MTMR9: variants seen among roughly 807,000 people sequenced by gnomAD.
MTMR9 encodes myotubularin related protein 9, also known as myotubularin-related protein 9.
MTMR9 carries 39 observed loss-of-function variants against 69.5 expected under a neutral mutation model. The observed-to-expected ratio is 0.56, with a 90% confidence interval of 0.43 to 0.73. The LOEUF (loss-of-function observed/expected upper bound fraction) is 0.73. MTMR9 is among the 30% of genes least tolerant of loss of function. MTMR9 has a pLI of 0.00. For synonymous variants in MTMR9, 354 were observed against 240.8 expected (o/e 1.47, Z -4.35); for missense variants, 900 against 671.2 (o/e 1.34, Z -3.77).
At chr8:11,297,977 T>C in intron 2 of MTMR9, 1 of 456,258 alleles carries the variant, frequency 2.2e-6, no homozygotes. Context: ...ATTTTTCATA[T>C]AGCATAGCTG....
the MTMR9 span, among the ~76,000 whole-genome samples, chr8:11,337,254 T>C: frequency 6.6e-6 from 1 of 152,222 alleles, no homozygotes; most frequent in East Asian, 1.9e-4. Flanking sequence ...GTAACTTAAG[T>C]AGCTCTAAGA....
At chr8:11,330,544 A>G (rs1801172475), downstream of MTMR9, among the ~76,000 whole-genome samples, 4 of 152,286 alleles carry the variant, frequency 2.6e-5, no homozygotes, top group South Asian at 4.1e-4. Flanking sequence ...AGAAGTAGAC[A>G]TGGGAGACTT....
chr8:11,286,298 G>A (rs1489266400), intron 1 of MTMR9, among the ~76,000 whole-genome samples: 1 of 151,860 alleles, frequency 6.6e-6, no homozygotes, highest in Non-Finnish European at 1.5e-5. Context: ...TTTGGGTGAA[G>A]CCATGGTAGA....
intron 6 of MTMR9, among the ~76,000 whole-genome samples, chr8:11,314,716 C>A (rs1042540243): frequency 6.6e-6 from 1 of 152,104 alleles, no homozygotes; most frequent in African/African-American, 2.4e-5. Flanking sequence ...CGTATTTTTT[C>A]CCAAGAGAAT....
chr8:11,301,341 A>G (rs759180070), intron 3 of MTMR9, among the ~76,000 whole-genome samples: 10 of 152,258 alleles, frequency 6.6e-5, no homozygotes, highest in Non-Finnish European at 8.8e-5. Flanking sequence ...GGGTACAGAA[A>G]TAAACCTTCC....
At chr8:11,299,959 CAGTT>C (rs777658033) in intron 2 of MTMR9, 60 bp from the exon 3 acceptor site, 58 of 1,559,726 alleles carry the variant, frequency 3.7e-5, no homozygotes, top group Non-Finnish European at 5.0e-5. Flanking sequence ...ACTAATTTGT[CAGTT>C]AGAATATGTT....
downstream of MTMR9, among the ~76,000 whole-genome samples, chr8:11,330,273 G>A (rs1195948139): frequency 6.0e-5 from 9 of 151,166 alleles, no homozygotes; most frequent in African/African-American, 1.7e-4. Flanking sequence ...CCGGCCAGCC[G>A]CCCTGTCCGG....
At chr8:11,289,425 C>T (rs567195457) in intron 1 of MTMR9, among the ~76,000 whole-genome samples, 2 of 152,040 alleles carry the variant, frequency 1.3e-5, no homozygotes, top group South Asian at 2.1e-4. Context: ...ATATCGCTTA[C>T]ATCATTTTAT....
chr8:11,293,882 T>G (rs945205574), intron 1 of MTMR9, among the ~76,000 whole-genome samples: 3 of 152,188 alleles, frequency 2.0e-5, no homozygotes, highest in Non-Finnish European at 4.4e-5. Flanking sequence ...TCTGGACTCT[T>G]TTTTTCTGTT....
Position 11,327,031 on chromosome 8 carries a change from TATACTG to T in MTMR9, c.*4249_*4254del, listed in dbSNP as rs1186822966. ...ACATTTATTCTCAGATGATAAAATA[TATACTG>T]ATACTATAACTTTCTTATGGTATCA... On this transcript the variant is annotated 3_prime_UTR_variant, in exon 10 of 10. Transcript: ENST00000221086. The T allele has an allele frequency of 6.6e-6, 1 of 151,904 alleles. No homozygotes were observed. Among genetic ancestry groups the T allele is most frequent in the East Asian group, 1.9e-4 (1 of 5,186 alleles). The allele number at this position is 151,904 out of a possible 1,614,324, so 9.4% of individuals were successfully genotyped here. A position where few individuals can be genotyped will look rare whatever the true frequency, so the allele number is the denominator to read the frequency against.
At chr8:11,299,589 A>G (rs1344592593) in intron 2 of MTMR9, among the ~76,000 whole-genome samples, 2 of 152,168 alleles carry the variant, frequency 1.3e-5, no homozygotes, top group African/African-American at 2.4e-5. Context: ...TACAGTTACT[A>G]ACCCACCCTG....
downstream of MTMR9, among the ~76,000 whole-genome samples, chr8:11,330,229 C>T (rs1401036451): frequency 2.0e-5 from 3 of 151,496 alleles, no homozygotes; most frequent in Non-Finnish European, 2.9e-5. Flanking sequence ...GCCAGCCGCC[C>T]CGTCCGGGAG....
intron 7 of MTMR9, among the ~76,000 whole-genome samples, chr8:11,315,542 A>G (rs550249751): frequency 1.3e-5 from 2 of 152,246 alleles, no homozygotes; most frequent in Admixed American, 6.5e-5. Flanking sequence ...CATAACAGGG[A>G]TTGATATCCT....
chr8:11,297,714 G>GT lies in MTMR9; in HGVS notation c.292-2306dup, dbSNP rs1354925104. Among the ~76,000 whole-genome samples the GT allele has an allele frequency of 2.0e-5, 3 of 152,136 alleles. No homozygotes were observed. The East Asian group carries it at 5.8e-4, about 29-fold the overall frequency. ...ACCCACTTGCTGACGCTGATCAGTT[G>GT]TTTAAGTAGCTGTATATATTTTAAA... On this transcript the variant is annotated intron_variant, in intron 2 of 9. Coordinates refer to ENST00000221086, the MANE Select transcript of MTMR9 (RefSeq NM_015458.4).
chr8:11,296,523 T>G (rs1585112578), intron 2 of MTMR9, among the ~76,000 whole-genome samples: 1 of 152,198 alleles, frequency 6.6e-6, no homozygotes, highest in Admixed American at 6.5e-5. Flanking sequence ...AACTCTGTGT[T>G]AAACAACACC....
At chr8:11,319,965 CAT>C in intron 9 of MTMR9, 127 bp downstream of exon 9, 1 of 836,460 alleles carries the variant, frequency 1.2e-6, no homozygotes, top group Non-Finnish European at 1.8e-6. Flanking sequence ...TGTGAATTGT[CAT>C]TCTCAGTGTG....
intron 1 of MTMR9, among the ~76,000 whole-genome samples, chr8:11,286,477 C>G (rs1381045433): frequency 6.6e-6 from 1 of 151,336 alleles, no homozygotes; most frequent in Non-Finnish European, 1.5e-5. Flanking sequence ...CCAGCCTGAC[C>G]AACATGATGA....
chr8:11,322,810 C>T lies in MTMR9; in HGVS notation c.*22C>T. ...CTGAAAGGTCTCCTCGCACCCTTCG[C>T]AAGGACCTTCTTGGGCCTGTGTCCG... On this transcript the variant is annotated 3_prime_UTR_variant, in exon 10 of 10. Coordinates refer to ENST00000221086, the MANE Select transcript of MTMR9 (RefSeq NM_015458.4). 6.2e-7 allele frequency: 1 copy of T among 1,602,064 alleles called. No individual in the cohort carries two copies. Among genetic ancestry groups the T allele is most frequent in the Non-Finnish European group, 8.5e-7 (1 of 1,173,920 alleles).
intron 5 of MTMR9, among the ~76,000 whole-genome samples, 186 bp from the exon 6 acceptor site, chr8:11,309,341 C>G (rs1307994363): frequency 6.6e-6 from 1 of 152,136 alleles, no homozygotes; most frequent in East Asian, 1.9e-4. Context: ...GCATTTTAAG[C>G]CTTTGCAACA....
Sources: allele counts gnomAD v4.1 joint callset (sites outside exome capture counted in the v4.1 genomes callset), GRCh38; gene constraint gnomAD v4.1.1; transcripts MANE v1.5; gene names NCBI Gene and HGNC (gene_info 2026-07-23, HGNC 2026-07-21).